MMP23B: variants seen among roughly 807,000 people sequenced by gnomAD.
The protein encoded by MMP23B is matrix metallopeptidase 23B.
MMP23B carries 8 observed loss-of-function variants against 17.3 expected under a neutral mutation model. The observed-to-expected ratio is 0.46, with a 90% CI of 0.27 to 0.83. The LOEUF (loss-of-function observed/expected upper bound fraction) is 0.83, where lower values mean the gene tolerates loss of function less well. Among genes scored for constraint, MMP23B ranks in the 40% least tolerant of loss-of-function variants. The pLI is 0.14. For missense variants in MMP23B, 154 were observed against 246.2 expected, an observed-to-expected ratio of 0.63 and a Z score of 2.51; for synonymous variants, 86 against 116.5, an observed-to-expected ratio of 0.74 and a Z score of 1.69.
chr1:1,634,457 C>T lies in MMP23B; in HGVS notation c.1005C>T (p.Tyr335=). 1 of 1,302,144 alleles carries T rather than the reference C, an allele frequency of 7.7e-7. No individual in the cohort carries two copies. The highest frequency in any genetic ancestry group is 1.6e-5 in the African/African-American group (1 of 63,694). 80.7% of individuals were successfully genotyped at this position (1,302,144 alleles called of 1,614,324 possible). ...ILHKKGKVYW[Y]KDQEPLEFSY... ...ACGCCCCGCCCCCCTGCAGCTGGTA[C>T]AAGGACCAGGAGCCCCTGGAGTTCT... The change falls in exon 8 of 8, where the codon TAC becomes TAT. Residue 335 remains tyrosine, a synonymous_variant. Transcript: ENST00000356026.
chr1:1,632,262 G>A lies in MMP23B; in HGVS notation c.44G>A (p.Gly15Asp). The change falls in exon 1 of 8, where the codon GGC (glycine) becomes GAC (aspartate). Residue 15 changes from glycine to aspartate, a missense_variant. Around this residue, in one of 4 missense-constraint regions of MMP23B, gnomAD observed 129 missense variants for 83.5 expected, o/e 1.54. Coordinates refer to ENST00000356026, the MANE Select transcript of MMP23B (RefSeq NM_006983.2). ...GTCCCCTCGGAGGCCCCGGGGGCAG[G>A]CGTCGAGCGCCGCTGGCTTGGAGCC... is the stretch of plus-strand genomic sequence containing the variant. Reference protein sequence around the residue: ...ARVPSEAPGAGVERRWLGAAL... With the variant: ...ARVPSEAPGADVERRWLGAAL... 2 of 1,370,798 alleles carry A rather than the reference G, an allele frequency of 1.5e-6. No homozygotes were observed. The highest frequency in any genetic ancestry group is 1.5e-5 in the African/African-American group (1 of 65,876). The allele number at this position is 1,370,798 out of a possible 1,614,324, so 84.9% of individuals were successfully genotyped here.
rs914643132 is a variant in MMP23B at position 1,632,385 on chromosome 1, G to T, written c.156+11G>T. ...TGGAGCGCAGCGCAGGTGAGCGGCG[G>T]GGGGGAGGCCAGGTGCCGGGTTGGG... is the stretch of plus-strand genomic sequence containing the variant. On this transcript the variant is annotated intron_variant, in intron 1 of 7. Coordinates refer to ENST00000356026, the MANE Select transcript of MMP23B (RefSeq NM_006983.2). 57 of 1,382,514 alleles carry T rather than the reference G, an allele frequency of 4.1e-5. No homozygotes were observed. The highest frequency in any genetic ancestry group is 1.0e-4 in the Admixed American group (3 of 28,856). 85.6% of individuals were successfully genotyped at this position (1,382,514 alleles called of 1,614,324 possible).
In MMP23B at chr1:1,632,278, G is replaced by T. The variant is rs1434145666; in HGVS notation, c.60G>T (p.Trp20Cys). Residue 20 changes from tryptophan to cysteine, a missense_variant, in exon 1 of 8, where the codon TGG (tryptophan) becomes TGT (cysteine). Trp to Cys is a radical substitution (Grantham distance 215, BLOSUM62 -2). Around this residue, in one of 4 missense-constraint regions of MMP23B, gnomAD observed 129 missense variants for 83.5 expected, o/e 1.54. Coordinates refer to ENST00000356026, the MANE Select transcript of MMP23B (RefSeq NM_006983.2). ...CGGGGGCAGGCGTCGAGCGCCGCTG[G>T]CTTGGAGCCGCGCTGGTCGCCCTGT... is the stretch of plus-strand genomic sequence containing the variant. The part of the protein sequence containing the change: ...EAPGAGVERR[W>C]LGAALVALCL... 1.4e-6 allele frequency: 2 copies of T among 1,403,374 alleles called. No individual in the cohort carries two copies. Among genetic ancestry groups the T allele is most frequent in the Admixed American group, 3.1e-5 (1 of 32,730 alleles). The allele number at this position is 1,403,374 out of a possible 1,614,324, so 86.9% of individuals were successfully genotyped here.
At position 1,632,843 on chromosome 1, in the gene MMP23B, G is replaced by C. The variant is rs1249039525; in HGVS notation, c.217G>C (p.Ala73Pro). 1.5e-5 allele frequency: 3 copies of C among 194,170 alleles called. No individual in the cohort carries two copies. Among genetic ancestry groups the C allele is most frequent in the Non-Finnish European group, 2.7e-5 (3 of 112,362 alleles). 12.0% of individuals were successfully genotyped at this position (194,170 alleles called of 1,614,324 possible). A position where few individuals can be genotyped will look rare whatever the true frequency, so the allele number is the denominator to read the frequency against. The change falls in exon 2 of 8, where the codon GCC (alanine) becomes CCC (proline). Residue 73 changes from alanine to proline, a missense_variant. Around this residue, in one of 4 missense-constraint regions of MMP23B, gnomAD observed 0 missense variants for 20.9 expected, o/e 0.00. Transcript: ENST00000356026. ...VPPTRVPGPL[A>P]PRRRRYTLTP... is the part of the protein sequence containing the mutation. Reference sequence around the variant, plus strand: ...CCCCACCCGGGTCCCGGGCCCACTGGCCCCCCGCAGACGCCGCTACACGCT... The same window carrying C: ...CCCCACCCGGGTCCCGGGCCCACTGCCCCCCCGCAGACGCCGCTACACGCT...
At position 1,632,203 on chromosome 1, in the gene MMP23B, C is replaced by T. The variant is rs1419011330; in HGVS notation, c.-16C>T. ...TTGCTGCCCCATGCAGCCCTGAGCC[C>T]CACAGCAAGTCTGCCATGGGCCGCG... On this transcript the variant is annotated 5_prime_UTR_variant, in exon 1 of 8. Transcript: ENST00000356026. 7.7e-7 allele frequency: 1 copy of T among 1,298,992 alleles called. No individual in the cohort carries two copies. Among genetic ancestry groups the T allele is most frequent in the Admixed American group, 4.2e-5 (1 of 23,962 alleles). The allele number at this position is 1,298,992 out of a possible 1,614,324, so 80.5% of individuals were successfully genotyped here.
chr1:1,632,858 C>T lies in MMP23B; in HGVS notation c.232C>T (p.Arg78Cys). 1.1e-5 allele frequency: 2 copies of T among 187,234 alleles called. No homozygotes were observed. Among genetic ancestry groups the T allele is most frequent in the Non-Finnish European group, 1.8e-5 (2 of 108,338 alleles). 11.6% of individuals were successfully genotyped at this position (187,234 alleles called of 1,614,324 possible). ...GGGCCCACTGGCCCCCCGCAGACGC[C>T]GCTACACGCTGACTCCAGCCAGGCT... ...VPGPLAPRRR[R>C]YTLTPARLRW... The change falls in exon 2 of 8, where the codon CGC (arginine) becomes TGC (cysteine). Residue 78 changes from arginine (R) to cysteine (C), a missense_variant. This residue lies in a region of MMP23B where 0 missense variants were observed against 20.9 expected (regional missense o/e 0.00). Coordinates refer to ENST00000356026, the MANE Select transcript of MMP23B (RefSeq NM_006983.2).
chr1:1,632,242 C>T lies in MMP23B; in HGVS notation c.24C>T (p.Pro8=), dbSNP rs1639014963. MGRGARV[P]SEAPGAGVER... ...CCATGGGCCGCGGGGCCCGTGTCCCCTCGGAGGCCCCGGGGGCAGGCGTCG... is the reference window on the plus strand; with the variant it reads ...CCATGGGCCGCGGGGCCCGTGTCCCTTCGGAGGCCCCGGGGGCAGGCGTCG... Residue 8 remains proline (P), a synonymous_variant, in exon 1 of 8, where the codon CCC becomes CCT. Coordinates refer to ENST00000356026, the MANE Select transcript of MMP23B (RefSeq NM_006983.2). 7.4e-7 allele frequency: 1 copy of T among 1,345,510 alleles called. No individual in the cohort carries two copies. The highest frequency in any genetic ancestry group is 9.5e-7 in the Non-Finnish European group (1 of 1,056,674). 83.3% of individuals were successfully genotyped at this position (1,345,510 alleles called of 1,614,324 possible).
chr1:1,632,390 G>GT lies in MMP23B; in HGVS notation c.156+16_156+17insT. 7.2e-7 allele frequency: 1 copy of GT among 1,380,602 alleles called. No homozygotes were observed. Among genetic ancestry groups the GT allele is most frequent in the Non-Finnish European group, 9.3e-7 (1 of 1,072,870 alleles). 85.5% of individuals were successfully genotyped at this position (1,380,602 alleles called of 1,614,324 possible). On this transcript the variant is annotated intron_variant, in intron 1 of 7. Transcript: ENST00000356026. Reference sequence around the variant, plus strand: ...CGCAGCGCAGGTGAGCGGCGGGGGGGAGGCCAGGTGCCGGGTTGGGGGGGT... The same window carrying GT: ...CGCAGCGCAGGTGAGCGGCGGGGGGGTAGGCCAGGTGCCGGGTTGGGGGGGT...
At position 1,634,432 on chromosome 1, in the gene MMP23B, A is replaced by G. The variant is rs1261492051; in HGVS notation, c.999-19A>G. On this transcript the variant is annotated intron_variant, in intron 7 of 7. Transcript: ENST00000356026. ...GGGGGGGGGGCTGTGCCTGCAGGAGACGCCCCGCCCCCCTGCAGCTGGTAC... is the reference window on the plus strand; with the variant it reads ...GGGGGGGGGGCTGTGCCTGCAGGAGGCGCCCCGCCCCCCTGCAGCTGGTAC... The G allele has an allele frequency of 3.8e-5, 51 of 1,356,284 alleles. 4 individuals carry two copies. Among genetic ancestry groups the G allele is most frequent in the Middle Eastern group, 5.0e-4 (2 of 3,982 alleles). 84.0% of individuals were successfully genotyped at this position (1,356,284 alleles called of 1,614,324 possible).
chr1:1,632,235 G>C lies in MMP23B; in HGVS notation c.17G>C (p.Arg6Pro). The change falls in exon 1 of 8, where the codon CGT becomes CCT. Residue 6 changes from arginine to proline, a missense_variant. Arg to Pro is a moderately radical substitution (Grantham distance 103). Around this residue, in one of 4 missense-constraint regions of MMP23B, gnomAD observed 129 missense variants for 83.5 expected, o/e 1.54. Coordinates refer to ENST00000356026, the MANE Select transcript of MMP23B (RefSeq NM_006983.2). The part of the protein sequence containing the change: MGRGA[R>P]VPSEAPGAGV... ...AAGTCTGCCATGGGCCGCGGGGCCC[G>C]TGTCCCCTCGGAGGCCCCGGGGGCA... 3.4e-5 allele frequency: 45 copies of C among 1,338,260 alleles called. No homozygotes were observed. The highest frequency in any genetic ancestry group is 4.3e-5 in the Non-Finnish European group (45 of 1,052,914). The allele number at this position is 1,338,260 out of a possible 1,614,324, so 82.9% of individuals were successfully genotyped here.
intron 1 of MMP23B, 100 bp downstream of exon 1, chr1:1,632,474 G>A: frequency 7.1e-6 from 7 of 991,614 alleles, no homozygotes; most frequent in Non-Finnish European, 1.0e-5. Context: ...GGGGTGTGCG[G>A]GGTGTTTGAG....
In MMP23B at chr1:1,632,377, G is replaced by A. The variant is rs1490878976; in HGVS notation, c.156+3G>A. On this transcript the variant is annotated splice_donor_region_variant and intron_variant, in intron 1 of 7. Coordinates refer to ENST00000356026, the MANE Select transcript of MMP23B (RefSeq NM_006983.2). ...TGCCGGCCTGGAGCGCAGCGCAGGT[G>A]AGCGGCGGGGGGGAGGCCAGGTGCC... is the stretch of plus-strand genomic sequence containing the variant. 2 of 1,384,976 alleles carry A rather than the reference G, an allele frequency of 1.4e-6. No homozygotes were observed. Among genetic ancestry groups the A allele is most frequent in the African/African-American group, 3.1e-5 (2 of 65,456 alleles). 85.8% of individuals were successfully genotyped at this position (1,384,976 alleles called of 1,614,324 possible).
At position 1,634,407 on chromosome 1, in the gene MMP23B, G is replaced by A. The variant is rs1639076360; in HGVS notation, c.999-44G>A. ...GGGCAGGGGTGCGGGGCAGGCAGCC[G>A]GGGGGGGGGCTGTGCCTGCAGGAGA... On this transcript the variant is annotated intron_variant, in intron 7 of 7. Coordinates refer to ENST00000356026, the MANE Select transcript of MMP23B (RefSeq NM_006983.2). The A allele has an allele frequency of 1.5e-5, 18 of 1,184,700 alleles. 3 individuals are homozygous for A. Among genetic ancestry groups the A allele is most frequent in the East Asian group, 5.4e-5 (1 of 18,374 alleles). 73.4% of individuals were successfully genotyped at this position (1,184,700 alleles called of 1,614,324 possible). A position where few individuals can be genotyped will look rare whatever the true frequency, so the allele number is the denominator to read the frequency against.
At chr1:1,632,567 G>C in intron 1 of MMP23B, 193 bp downstream of exon 1, 1 of 522,810 alleles carries the variant, frequency 1.9e-6, no homozygotes, top group Non-Finnish European at 3.4e-6. Context: ...TCGCCCTGCT[G>C]TTCAGCCCCT....
Position 1,632,389 on chromosome 1 carries a change from G to A in MMP23B, c.156+15G>A, listed in dbSNP as rs1214295695. On this transcript the variant is annotated intron_variant, in intron 1 of 7. Transcript: ENST00000356026. ...GCGCAGCGCAGGTGAGCGGCGGGGG[G>A]GAGGCCAGGTGCCGGGTTGGGGGGG... is the stretch of plus-strand genomic sequence containing the variant. 2 of 1,381,194 alleles carry A rather than the reference G, an allele frequency of 1.4e-6. No homozygotes were observed. Among genetic ancestry groups the A allele is most frequent in the Non-Finnish European group, 1.9e-6 (2 of 1,073,684 alleles). The allele number at this position is 1,381,194 out of a possible 1,614,324, so 85.6% of individuals were successfully genotyped here.
In MMP23B at chr1:1,632,229, G is replaced by C. The variant is rs1414773505; in HGVS notation, c.11G>C (p.Gly4Ala). 7.5e-7 allele frequency: 1 copy of C among 1,329,810 alleles called. No individual in the cohort carries two copies. Among genetic ancestry groups the C allele is most frequent in the East Asian group, 3.1e-5 (1 of 32,232 alleles). The allele number at this position is 1,329,810 out of a possible 1,614,324, so 82.4% of individuals were successfully genotyped here. ...CACAGCAAGTCTGCCATGGGCCGCG[G>C]GGCCCGTGTCCCCTCGGAGGCCCCG... MGR[G>A]ARVPSEAPGA... The change falls in exon 1 of 8, where the codon GGG becomes GCG. Residue 4 changes from glycine (G) to alanine (A), a missense_variant. Physicochemically the swap from Gly to Ala is moderately conservative, Grantham distance 60. Coordinates refer to ENST00000356026, the MANE Select transcript of MMP23B (RefSeq NM_006983.2).
rs1569963122 is a variant in MMP23B, at chr1:1,632,393, G to A, written c.156+19G>A. ...AGCGCAGGTGAGCGGCGGGGGGGAG[G>A]CCAGGTGCCGGGTTGGGGGGGTCCT... On this transcript the variant is annotated intron_variant, in intron 1 of 7. Coordinates refer to ENST00000356026, the MANE Select transcript of MMP23B (RefSeq NM_006983.2). 2 of 1,378,828 alleles carry A rather than the reference G, an allele frequency of 1.5e-6. No individual in the cohort carries two copies. The highest frequency in any genetic ancestry group is 9.3e-7 in the Non-Finnish European group (1 of 1,071,094). 85.4% of individuals were successfully genotyped at this position (1,378,828 alleles called of 1,614,324 possible).
rs561187699 is a variant in MMP23B, at chr1:1,632,430, G to A, written c.156+56G>A. ...GTTGGGGGGGTCCTCACGTCTGTGGGTCTGGTCTATCGGGGGGCCCGCAGG... is the reference window on the plus strand; with the variant it reads ...GTTGGGGGGGTCCTCACGTCTGTGGATCTGGTCTATCGGGGGGCCCGCAGG... On this transcript the variant is annotated intron_variant, in intron 1 of 7. Transcript: ENST00000356026. 4.4e-4 allele frequency: 580 copies of A among 1,330,288 alleles called. 3 individuals carry two copies. In the East Asian group the frequency reaches 0.015, roughly 35 times the overall value. The allele number at this position is 1,330,288 out of a possible 1,614,324, so 82.4% of individuals were successfully genotyped here.
chr1:1,632,275 C>T lies in MMP23B; in HGVS notation c.57C>T (p.Arg19=). The change falls in exon 1 of 8, where the codon CGC becomes CGT. Residue 19 remains arginine (R), a synonymous_variant. Coordinates refer to ENST00000356026, the MANE Select transcript of MMP23B (RefSeq NM_006983.2). ...SEAPGAGVER[R]WLGAALVALC... is the part of the protein sequence containing the mutation. ...CCCCGGGGGCAGGCGTCGAGCGCCG[C>T]TGGCTTGGAGCCGCGCTGGTCGCCC... 7.2e-7 allele frequency: 1 copy of T among 1,393,622 alleles called. No homozygotes were observed. Among genetic ancestry groups the T allele is most frequent in the Non-Finnish European group, 9.3e-7 (1 of 1,079,388 alleles). The allele number at this position is 1,393,622 out of a possible 1,614,324, so 86.3% of individuals were successfully genotyped here.
Sources: gnomAD v4.1 joint callset for allele counts on GRCh38, gnomAD v4.1.1 for gene constraint, gnomAD v4.1.1 regional missense constraint, MANE v1.5 for transcripts, NCBI Gene and HGNC (gene_info 2026-07-23, HGNC 2026-07-21) for gene names.